Variants in ARHGEF4 observed in about 807,000 individuals in gnomAD.
ARHGEF4 encodes Rho guanine nucleotide exchange factor 4, also known as APC-stimulated guanine nucleotide exchange factor 1.
Under a neutral mutation model 162.0 loss-of-function variants are expected in ARHGEF4, and 119 were observed. That is an observed-to-expected ratio of 0.73 (90% CI 0.63 to 0.86). The LOEUF is 0.86. Among genes scored for constraint, ARHGEF4 ranks in the 40% least tolerant of loss-of-function variants. The pLI is 0.00. For synonymous variants in ARHGEF4, 1,014 were observed against 979.9 expected (o/e 1.03, Z -0.65); for missense variants, 2,488 against 2,456.0 (o/e 1.01, Z -0.28).
chr2:130,859,272 T>C (rs1202205777), intron 1 of ARHGEF4, among the ~76,000 whole-genome samples: 11 of 21,584 alleles, frequency 5.1e-4, no homozygotes, highest in Admixed American at 6.4e-4. Context: ...GCACCTGTAA[T>C]CCCAGCTACT....
chr2:130,959,577 T>C (rs1383310776), intron 4 of ARHGEF4, among the ~76,000 whole-genome samples: 2 of 152,242 alleles, frequency 1.3e-5, no homozygotes, highest in African/African-American at 4.8e-5. Context: ...TCACATCTGG[T>C]ATATGCTTAA....
chr2:130,993,520 C>T (rs1053341660), intron 4 of ARHGEF4, among the ~76,000 whole-genome samples: 10 of 152,118 alleles, frequency 6.6e-5, no homozygotes, highest in Admixed American at 6.5e-4. Flanking sequence ...TTATCAGTTG[C>T]TAAGGAAAGT....
In ARHGEF4 at chr2:130,914,848, C is replaced by G; in HGVS notation, c.902C>G (p.Ser301Cys). Residue 301 changes from serine (S) to cysteine (C), a missense_variant, in exon 2 of 14, where the codon TCT becomes TGT. Transcript: ENST00000409359. ...CCCTGCCAGCCTCCTTTGAGGACAT[C>G]TTGCCTCCTACGCACCAACCGTCAC... is the stretch of plus-strand genomic sequence containing the variant. ...DVPCQPPLRTSCLLRTNRHHS... is the reference protein window; with the variant it reads ...DVPCQPPLRTCCLLRTNRHHS... The G allele has an allele frequency of 6.8e-7, 1 of 1,468,226 alleles. No homozygotes were observed. Among genetic ancestry groups the G allele is most frequent in the African/African-American group, 1.4e-5 (1 of 70,500 alleles). 90.9% of individuals were successfully genotyped at this position (1,468,226 alleles called of 1,614,324 possible). A position where few individuals can be genotyped will look rare whatever the true frequency, so the allele number is the denominator to read the frequency against.
chr2:131,013,098 C>T (rs746986711), intron 4 of ARHGEF4, among the ~76,000 whole-genome samples: 7 of 152,248 alleles, frequency 4.6e-5, no homozygotes, highest in East Asian at 3.9e-4. Context: ...TCAGATATTA[C>T]GTGCCGAGAC....
intron 3 of ARHGEF4, among the ~76,000 whole-genome samples, chr2:130,932,681 A>C (rs531012100): frequency 2.1e-4 from 32 of 152,178 alleles, no homozygotes; most frequent in African/African-American, 7.5e-4. Flanking sequence ...TGTGCATTTG[A>C]TGTCATACCT....
At chr2:131,035,977 T>A in intron 5 of ARHGEF4, 3 of 546,628 alleles carry the variant, frequency 5.5e-6, no homozygotes, top group Non-Finnish European at 7.0e-6. Flanking sequence ...GCTATTTGAG[T>A]CTCAAATGTG....
chr2:130,854,699 C>G (rs529885998), intron 1 of ARHGEF4, among the ~76,000 whole-genome samples: 3 of 152,220 alleles, frequency 2.0e-5, no homozygotes, highest in African/African-American at 7.2e-5. Context: ...GACAGGAAGA[C>G]CAGGGACTGC....
chr2:130,856,029 T>C (rs527718958), intron 1 of ARHGEF4, among the ~76,000 whole-genome samples: 13 of 152,302 alleles, frequency 8.5e-5, no homozygotes, highest in African/African-American at 2.9e-4. Flanking sequence ...CATAGAAATA[T>C]CTTTTTGAAG....
intron 1 of ARHGEF4, among the ~76,000 whole-genome samples, chr2:130,864,894 A>G (rs749566756): frequency 6.6e-6 from 1 of 152,230 alleles, no homozygotes; most frequent in East Asian, 1.9e-4. Flanking sequence ...TCCTTTTTAA[A>G]CAGCGTGTGA....
intron 1 of ARHGEF4, among the ~76,000 whole-genome samples, chr2:130,911,005 G>A (rs1363086325): frequency 6.6e-6 from 1 of 152,216 alleles, no homozygotes; most frequent in African/African-American, 2.4e-5. Context: ...ACATAGGAAA[G>A]TGTGCATATT....
chr2:130,849,832 T>G (rs1290059126), intron 1 of ARHGEF4, among the ~76,000 whole-genome samples: 1 of 152,234 alleles, frequency 6.6e-6, no homozygotes, highest in Admixed American at 6.5e-5. Flanking sequence ...CCCAAAGTGC[T>G]GGGATTACAG....
intron 2 of ARHGEF4, among the ~76,000 whole-genome samples, chr2:130,917,715 G>T (rs1681597471): frequency 1.3e-5 from 2 of 151,922 alleles, no homozygotes; most frequent in Non-Finnish European, 2.9e-5. Flanking sequence ...GGCATTTCAT[G>T]ATCATTTCGT....
intron 4 of ARHGEF4, among the ~76,000 whole-genome samples, chr2:130,988,380 T>A (rs1686663453): frequency 6.6e-6 from 1 of 152,196 alleles, no homozygotes; most frequent in Admixed American, 6.5e-5. Flanking sequence ...GGATCCCCTA[T>A]GAAATGGTGG....
intron 5 of ARHGEF4, among the ~76,000 whole-genome samples, chr2:131,030,209 T>G (rs1289191246): frequency 6.6e-6 from 1 of 150,882 alleles, no homozygotes; most frequent in African/African-American, 2.4e-5. Flanking sequence ...GATAAAATTA[T>G]GGATTGTCAC....
At position 131,043,493 on chromosome 2, in the gene ARHGEF4, G is replaced by C; in HGVS notation, c.5067G>C (p.Ser1689=). ...LLVRSSELIY[S]GELTRVTQPQ... is the part of the protein sequence containing the mutation. The stretch of plus-strand genomic sequence containing the variant: ...TCAGGAGCTCAGAACTCATCTACTC[G>C]GGGGAGCTGACTCGAGTTACACAGC... Residue 1689 remains serine, a synonymous_variant, in exon 11 of 14, where the codon TCG becomes TCC. Transcript: ENST00000409359. The C allele has an allele frequency of 2.5e-6, 4 of 1,614,012 alleles. No individual in the cohort carries two copies. Among genetic ancestry groups the C allele is most frequent in the Non-Finnish European group, 3.4e-6 (4 of 1,180,012 alleles).
chr2:130,944,462 C>A (rs531328205), intron 3 of ARHGEF4, among the ~76,000 whole-genome samples: 37 of 152,250 alleles, frequency 2.4e-4, no homozygotes, highest in Admixed American at 2.0e-3. Context: ...TTCCCCCCAA[C>A]CTTTTCTCTC....
chr2:130,906,506 G>C (rs1680819422), intron 1 of ARHGEF4, among the ~76,000 whole-genome samples: 1 of 152,146 alleles, frequency 6.6e-6, no homozygotes, highest in South Asian at 2.1e-4. Flanking sequence ...AGCACCACAG[G>C]ATTCATTCTA....
chr2:130,881,812 G>A (rs1679209034), intron 1 of ARHGEF4, among the ~76,000 whole-genome samples: 2 of 152,088 alleles, frequency 1.3e-5, no homozygotes, highest in South Asian at 4.1e-4. Context: ...ACAGGCTGGT[G>A]TACTGGGCGG....
rs576102295 is a variant in ARHGEF4, at chr2:131,021,545, A to G, written c.3986-6400A>G. Among the ~76,000 whole-genome samples the G allele has an allele frequency of 3.5e-4, 54 of 152,346 alleles. 2 individuals are homozygous for G. The East Asian group carries it at 0.01, about 28-fold the overall frequency. On this transcript the variant is annotated intron_variant, in intron 4 of 13. Coordinates refer to ENST00000409359, the MANE Select transcript of ARHGEF4 (RefSeq NM_001367493.1). ...AAAAACCCTAGAAGAAAACCTAGGC[A>G]TTACCATTCAGGACATAGGCATGGG... is the stretch of plus-strand genomic sequence containing the variant.
Sources: allele counts gnomAD v4.1 joint callset (sites outside exome capture counted in the v4.1 genomes callset), GRCh38; gene constraint gnomAD v4.1.1; transcripts MANE v1.5; gene names NCBI Gene and HGNC (gene_info 2026-07-23, HGNC 2026-07-21).